Variants in GPR158 observed in about 807,000 individuals in gnomAD.
The protein encoded by GPR158 is G protein-coupled receptor 158, also known as metabotropic glycine receptor.
In GPR158, 30 loss-of-function variants were observed where a neutral mutation model predicts 78.2. That is an observed-to-expected ratio of 0.38 (90% CI 0.29 to 0.52). GPR158 has a LOEUF of 0.52. Ranked by LOEUF, GPR158 falls within the 20% of genes least tolerant of loss-of-function variation. The pLI is 0.83. For synonymous variants in GPR158, 581 were observed against 591.1 expected (o/e 0.98, Z 0.25); for missense variants, 1,463 against 1,523.5 (o/e 0.96, Z 0.66).
intron 2 of GPR158, among the ~76,000 whole-genome samples, chr10:25,222,238 GT>G (rs1359175452): frequency 2.0e-5 from 3 of 151,808 alleles, no homozygotes; most frequent in African/African-American, 7.3e-5. Flanking sequence ...TCTTTTCACT[GT>G]TTCTCACATC....
chr10:25,350,065 G>C (rs1404495692), intron 2 of GPR158, among the ~76,000 whole-genome samples: 1 of 151,836 alleles, frequency 6.6e-6, no homozygotes, highest in East Asian at 1.9e-4. Context: ...TGGAGTGCTA[G>C]GGGGATAGGG....
intron 7 of GPR158, among the ~76,000 whole-genome samples, chr10:25,575,804 TAAAC>T (rs1837085203): frequency 6.6e-6 from 1 of 152,004 alleles, no homozygotes; most frequent in Non-Finnish European, 1.5e-5. Flanking sequence ...TGAAAAAAAA[TAAAC>T]AGGAGCCATA....
At chr10:25,402,105 C>T (rs1834455386) in intron 3 of GPR158, among the ~76,000 whole-genome samples, 1 of 152,110 alleles carries the variant, frequency 6.6e-6, no homozygotes, top group Non-Finnish European at 1.5e-5. Flanking sequence ...TTGGGACAAA[C>T]TGACTCTTTG....
intron 2 of GPR158, among the ~76,000 whole-genome samples, chr10:25,373,597 T>C (rs1261793741): frequency 2.6e-5 from 4 of 151,916 alleles, no homozygotes; most frequent in African/African-American, 7.2e-5. Flanking sequence ...TTAGGTGCAC[T>C]CAACAGCTTT....
chr10:25,388,519 A>AT (rs1301164595), intron 2 of GPR158, among the ~76,000 whole-genome samples: 1 of 152,216 alleles, frequency 6.6e-6, no homozygotes, highest in African/African-American at 2.4e-5. Context: ...CATTGGAGTC[A>AT]TTTTTGTGGG....
chr10:25,471,142 T>A (rs1040823734), intron 5 of GPR158, among the ~76,000 whole-genome samples: 10 of 138,542 alleles, frequency 7.2e-5, no homozygotes, highest in South Asian at 2.6e-4. Context: ...CGGTGTGTGA[T>A]GTTCCCTCCC....
chr10:25,442,357 G>A (rs1413948535), intron 4 of GPR158, among the ~76,000 whole-genome samples: 1 of 152,116 alleles, frequency 6.6e-6, no homozygotes, highest in African/African-American at 2.4e-5. Flanking sequence ...TGGGAAATAA[G>A]CTAAAAGATA....
chr10:25,340,400 T>C (rs1462641031), intron 2 of GPR158, among the ~76,000 whole-genome samples: 1 of 152,062 alleles, frequency 6.6e-6, no homozygotes, highest in Non-Finnish European at 1.5e-5. Flanking sequence ...AGGAAATAAA[T>C]ATTCCTGTAC....
At chr10:25,301,687 T>C (rs1459578527) in intron 2 of GPR158, among the ~76,000 whole-genome samples, 4 of 85,678 alleles carry the variant, frequency 4.7e-5, no homozygotes, top group Non-Finnish European at 7.6e-5. Flanking sequence ...TGCAAATTGA[T>C]ACCTTTGACA....
At chr10:25,249,481 G>A (rs1177633323) in intron 2 of GPR158, among the ~76,000 whole-genome samples, 8 of 151,662 alleles carry the variant, frequency 5.3e-5, no homozygotes, top group South Asian at 2.1e-4. Context: ...TTTGAAATAC[G>A]TCCCATCAAT....
intron 6 of GPR158, among the ~76,000 whole-genome samples, chr10:25,572,194 G>A (rs1269971632): frequency 1.3e-5 from 2 of 152,068 alleles, no homozygotes; most frequent in African/African-American, 2.4e-5. Flanking sequence ...ATTAAGACAC[G>A]CTCAAAGACA....
At chr10:25,534,882 T>C (rs1240421944) in intron 5 of GPR158, among the ~76,000 whole-genome samples, 1 of 122,502 alleles carries the variant, frequency 8.2e-6, no homozygotes, top group Non-Finnish European at 1.8e-5. Flanking sequence ...AAAAAGTCAC[T>C]TCTCAGCAGT....
intron 5 of GPR158, among the ~76,000 whole-genome samples, chr10:25,487,306 G>T (rs1325184027): frequency 6.6e-6 from 1 of 152,104 alleles, no homozygotes; most frequent in African/African-American, 2.4e-5. Flanking sequence ...GGGAATCTGT[G>T]CTTTGGAGAA....
At chr10:25,458,498 C>G (rs1008347162) in intron 4 of GPR158, among the ~76,000 whole-genome samples, 1 of 152,206 alleles carries the variant, frequency 6.6e-6, no homozygotes, top group Non-Finnish European at 1.5e-5. Flanking sequence ...CAGGACTGTT[C>G]TGGCACTGAT....
intron 2 of GPR158, among the ~76,000 whole-genome samples, chr10:25,313,656 C>A (rs1854802059): frequency 6.6e-6 from 1 of 152,044 alleles, no homozygotes; most frequent in African/African-American, 2.4e-5. Context: ...GACTCCTTAA[C>A]CCATTACTAT....
chr10:25,549,978 TGA>T (rs947125326), intron 5 of GPR158, among the ~76,000 whole-genome samples: 1 of 152,168 alleles, frequency 6.6e-6, no homozygotes, highest in Non-Finnish European at 1.5e-5. Flanking sequence ...CAGCAAAGAT[TGA>T]GAGTCTGTGC....
chr10:25,418,987 AT>A (rs1274485224), intron 4 of GPR158, among the ~76,000 whole-genome samples: 1 of 151,798 alleles, frequency 6.6e-6, no homozygotes, highest in African/African-American at 2.4e-5. Context: ...ATGTGAAGTG[AT>A]TTTTTAAGTG....
intron 4 of GPR158, among the ~76,000 whole-genome samples, chr10:25,456,356 C>T (rs1315278731): frequency 6.6e-6 from 1 of 152,154 alleles, no homozygotes; most frequent in Non-Finnish European, 1.5e-5. Context: ...TCAAACAAAA[C>T]AGGAAATGTT....
intron 2 of GPR158, among the ~76,000 whole-genome samples, chr10:25,375,478 C>A (rs1436602944): frequency 6.6e-6 from 1 of 151,028 alleles, no homozygotes; most frequent in African/African-American, 2.4e-5. Context: ...TTTTTTTCTA[C>A]AATTCTTATA....
Sources: gnomAD v4.1 joint callset for allele counts (sites outside exome capture counted in the v4.1 genomes callset) on GRCh38, gnomAD v4.1.1 for gene constraint, MANE v1.5 for transcripts, NCBI Gene and HGNC (gene_info 2026-07-23, HGNC 2026-07-21) for gene names.